The following HECW1 variants were observed in gnomAD, a reference collection of about 807,000 sequenced individuals.
HECW1 encodes E3 ubiquitin-protein ligase HECW1.
HECW1 carries 61 observed loss-of-function variants against 182.3 expected under a neutral mutation model. The observed-to-expected ratio is 0.33, with a 90% confidence interval of 0.27 to 0.41. The LOEUF (loss-of-function observed/expected upper bound fraction) is 0.41, where lower values mean the gene tolerates loss of function less well. Ranked by LOEUF, HECW1 falls within the 10% of genes least tolerant of loss-of-function variation. The pLI, the probability that HECW1 is intolerant of heterozygous loss-of-function variation, is 1.00. For missense variants in HECW1, 1,739 were observed against 2,108.9 expected, an observed-to-expected ratio of 0.82 and a Z score of 3.44; for synonymous variants, 859 against 832.6, an observed-to-expected ratio of 1.03 and a Z score of -0.55.
In HECW1 at chr7:43,502,942, G is replaced by A. The variant is rs371035408; in HGVS notation, c.3631+1620G>A. Among the ~76,000 whole-genome samples the A allele has an allele frequency of 3.2e-4, 49 of 152,280 alleles. 1 individual carries two copies. The highest frequency in any genetic ancestry group is 3.1e-3 in the East Asian group (16 of 5,186). On this transcript the variant is annotated intron_variant, in intron 21 of 29. Coordinates refer to ENST00000395891, the MANE Select transcript of HECW1 (RefSeq NM_015052.5). The stretch of plus-strand genomic sequence containing the variant: ...GAAACAGAACTTGGTAATAAGCTTT[G>A]TCTCTGAGAAGGGATGTCGCACTCA...
chr7:43,438,506 A>G (rs2076779802), intron 9 of HECW1: 1 of 158,324 alleles, frequency 6.3e-6, no homozygotes, highest in South Asian at 2.0e-4. Flanking sequence ...CCAGTCTGGT[A>G]TGTAAGATTT....
chr7:43,379,159 G>T (rs147756548), intron 6 of HECW1, among the ~76,000 whole-genome samples: 1 of 152,188 alleles, frequency 6.6e-6, no homozygotes, highest in African/African-American at 2.4e-5. Flanking sequence ...CAGCATAAGA[G>T]TGTTCCTTTA....
chr7:43,160,297 A>AT (rs1185227499), intron 2 of HECW1, among the ~76,000 whole-genome samples: 1 of 151,768 alleles, frequency 6.6e-6, no homozygotes, highest in African/African-American at 2.4e-5. Flanking sequence ...ATTTTTGTTA[A>AT]TTTTTTTTAT....
At chr7:43,557,939 A>G (rs557904920) in intron 29 of HECW1, among the ~76,000 whole-genome samples, 5 of 152,242 alleles carry the variant, frequency 3.3e-5, no homozygotes, top group Non-Finnish European at 5.9e-5. Context: ...AAAATAAATT[A>G]TCTAAATGAC....
rs74415903 is a variant in HECW1, at chr7:43,435,614, T to C, written c.802-2389T>C. On this transcript the variant is annotated intron_variant, in intron 8 of 29. Coordinates refer to ENST00000395891, the MANE Select transcript of HECW1 (RefSeq NM_015052.5). ...GGGCCTGTGTCTAGTTCTGAGGAGC[T>C]ATGTTTGGAAGTGAACACTTATTTA... Among the ~76,000 whole-genome samples, 1,219 of 152,264 alleles carry C rather than the reference T, an allele frequency of 8.0e-3. 13 individuals carry two copies. Among genetic ancestry groups the C allele is most frequent in the African/African-American group, 0.027 (1,124 of 41,554 alleles).
intron 24 of HECW1, among the ~76,000 whole-genome samples, chr7:43,514,921 G>A (rs1052877166): frequency 2.0e-5 from 3 of 152,152 alleles, no homozygotes; most frequent in African/African-American, 7.2e-5. Context: ...GACCAGGTAG[G>A]AATAGGAACC....
At chr7:43,351,678 C>CTTTTTTTTTTTTTTTTTTTTCTTT (rs200929407) in intron 5 of HECW1, among the ~76,000 whole-genome samples, 1 of 120,550 alleles carries the variant, frequency 8.3e-6, no homozygotes, top group Non-Finnish European at 1.7e-5. Flanking sequence ...TTTCTTTCTT[C>CTTTTTTTTTTTTTTTTTTTTCTTT]TTTTTTTTTT....
At chr7:43,551,193 C>T (rs1192627034) in intron 27 of HECW1, among the ~76,000 whole-genome samples, 1 of 152,170 alleles carries the variant, frequency 6.6e-6, no homozygotes, top group Non-Finnish European at 1.5e-5. Flanking sequence ...TTGTCCACCA[C>T]TGGTTTGATT....
At position 43,145,416 on chromosome 7, in the gene HECW1, C is replaced by T. The variant is rs141943475; in HGVS notation, c.-32+31025C>T. On this transcript the variant is annotated intron_variant, in intron 2 of 29. Transcript: ENST00000395891. ...GCTCAGGCGATCCTCCCACCTCAGC[C>T]TCCTGAGTAGCTGGGACCACAGATA... Among the ~76,000 whole-genome samples, 982 of 152,312 alleles carry T rather than the reference C, an allele frequency of 6.4e-3. 12 individuals carry two copies. The highest frequency in any genetic ancestry group is 0.023 in the African/African-American group (940 of 41,556).
At chr7:43,473,173 T>G (rs1484442244) in intron 16 of HECW1, among the ~76,000 whole-genome samples, 2 of 152,212 alleles carry the variant, frequency 1.3e-5, no homozygotes, top group African/African-American at 4.8e-5. Flanking sequence ...TCTGTCTGGC[T>G]TCATCTCTTA....
chr7:43,544,125 T>C (rs2081468959), intron 26 of HECW1, among the ~76,000 whole-genome samples: 1 of 152,224 alleles, frequency 6.6e-6, no homozygotes, highest in Non-Finnish European at 1.5e-5. Flanking sequence ...AGAATGCTGA[T>C]ACAGATATCG....
At position 43,445,491 on chromosome 7, in the gene HECW1, G is replaced by A. The variant is rs1353383690; in HGVS notation, c.2319G>A (p.Leu773=). ...GCGCTGGGCCGTGGCAAGACGAGCT[G>A]GCCGCCCCTAGCGGGCACGTGGAAA... ...TNGAGPWQDE[L]AAPSGHVERS... Residue 773 remains leucine (L), a synonymous_variant, in exon 11 of 30, where the codon CTG becomes CTA. Transcript: ENST00000395891. The A allele has an allele frequency of 6.2e-7, 1 of 1,612,020 alleles. No individual in the cohort carries two copies. Among genetic ancestry groups the A allele is most frequent in the African/African-American group, 1.3e-5 (1 of 74,936 alleles).
intron 3 of HECW1, among the ~76,000 whole-genome samples, chr7:43,293,087 G>C (rs1378580249): frequency 6.6e-6 from 1 of 151,886 alleles, no homozygotes; most frequent in African/African-American, 2.4e-5. Context: ...GGGCGTGGTG[G>C]AAGGCGCCTG....
chr7:43,287,235 A>G (rs2152751912), intron 3 of HECW1, among the ~76,000 whole-genome samples: 1 of 152,258 alleles, frequency 6.6e-6, no homozygotes, highest in East Asian at 1.9e-4. Context: ...ACAGGGGATT[A>G]GGGAGGAGTA....
At position 43,114,285 on chromosome 7, in the gene HECW1, G is replaced by A. The variant is rs1784867938; in HGVS notation, c.-138G>A. ...GGAGGGCAGATGCCCTACCCGAAAA[G>A]GCCAACCGTTAAAGACCCCGGCAGT... On this transcript the variant is annotated 5_prime_UTR_variant, in exon 2 of 30. Transcript: ENST00000395891. 1.5e-6 allele frequency: 2 copies of A among 1,364,136 alleles called. No individual in the cohort carries two copies. The highest frequency in any genetic ancestry group is 1.9e-6 in the Non-Finnish European group (2 of 1,034,772). The allele number at this position is 1,364,136 out of a possible 1,614,324, so 84.5% of individuals were successfully genotyped here.
At chr7:43,438,218 C>T in intron 9 of HECW1, 73 bp downstream of exon 9, 1 of 1,313,128 alleles carries the variant, frequency 7.6e-7, no homozygotes. Flanking sequence ...GGCCTGTAGG[C>T]TGCAATAGTA....
At chr7:43,336,150 CT>C (rs1812227046) in intron 5 of HECW1, among the ~76,000 whole-genome samples, 4 of 51,584 alleles carry the variant, frequency 7.8e-5, no homozygotes, top group Non-Finnish European at 1.1e-4. Context: ...CTCTTTCTCT[CT>C]CTCTCTCTCT....
intron 17 of HECW1, chr7:43,484,185 G>C (rs1288234089): frequency 6.6e-6 from 1 of 152,302 alleles, no homozygotes; most frequent in African/African-American, 2.4e-5. Flanking sequence ...ACTAACGTGT[G>C]TTCCAGCTGT....
At chr7:43,328,395 G>A (rs183119719) in intron 5 of HECW1, among the ~76,000 whole-genome samples, 1 of 152,350 alleles carries the variant, frequency 6.6e-6, no homozygotes, top group East Asian at 1.9e-4. Context: ...AGCAATCCCA[G>A]TCAAGGCCTG....
Sources: allele counts gnomAD v4.1 joint callset (sites outside exome capture counted in the v4.1 genomes callset), GRCh38; gene constraint gnomAD v4.1.1; transcripts MANE v1.5; gene names NCBI Gene and HGNC (gene_info 2026-07-23, HGNC 2026-07-21).